ELMO1: variants seen among roughly 807,000 people sequenced by gnomAD.
ELMO1 encodes engulfment and cell motility 1, also known as engulfment and cell motility protein 1.
Under a neutral mutation model 98.9 loss-of-function variants are expected in ELMO1, and 26 were observed. The observed-to-expected ratio is 0.26, with a 90% CI of 0.19 to 0.36. The LOEUF (loss-of-function observed/expected upper bound fraction) is 0.36, where lower values mean the gene tolerates loss of function less well. ELMO1 is among the 10% of genes least tolerant of loss of function. The pLI, the probability that ELMO1 is intolerant of heterozygous loss-of-function variation, is 1.00. For missense variants in ELMO1, 627 were observed against 935.2 expected, an observed-to-expected ratio of 0.67 and a Z score of 4.30; for synonymous variants, 346 against 346.0, an observed-to-expected ratio of 1.00 and a Z score of 0.00.
At chr7:36,999,241 T>C (rs945010508) in intron 16 of ELMO1, among the ~76,000 whole-genome samples, 2 of 152,208 alleles carry the variant, frequency 1.3e-5, no homozygotes, top group Non-Finnish European at 2.9e-5. Flanking sequence ...TGCTGTGTGA[T>C]CTTCGTGTCA....
intron 16 of ELMO1, among the ~76,000 whole-genome samples, chr7:37,009,446 C>T (rs1050324879): frequency 3.9e-5 from 6 of 152,304 alleles, no homozygotes; most frequent in South Asian, 4.1e-4. Context: ...TTCCCAAGCC[C>T]GGAAGAGCAG....
chr7:36,907,126 T>C (rs1465066682), intron 16 of ELMO1, among the ~76,000 whole-genome samples: 6 of 151,978 alleles, frequency 3.9e-5, no homozygotes, highest in South Asian at 2.1e-4. Flanking sequence ...GTCAACTAGA[T>C]TGTATTTCTA....
At chr7:36,911,983 C>T (rs975408187) in intron 16 of ELMO1, among the ~76,000 whole-genome samples, 2 of 152,148 alleles carry the variant, frequency 1.3e-5, no homozygotes, top group African/African-American at 4.8e-5. Context: ...CATGAGCAAA[C>T]ATGAGTGATG....
chr7:36,860,114 A>G (rs1802499830), intron 21 of ELMO1, among the ~76,000 whole-genome samples: 1 of 152,234 alleles, frequency 6.6e-6, no homozygotes, highest in Non-Finnish European at 1.5e-5. Context: ...TACAGTATAA[A>G]ATCCACATAA....
chr7:37,423,840 T>A (rs1261618273), intron 1 of ELMO1, among the ~76,000 whole-genome samples: 1 of 152,158 alleles, frequency 6.6e-6, no homozygotes, highest in Non-Finnish European at 1.5e-5. Flanking sequence ...TTCTCTTTTT[T>A]AAAAAATAAA....
At chr7:36,898,757 C>T (rs73119949) in intron 16 of ELMO1, among the ~76,000 whole-genome samples, 3,573 of 152,326 alleles carry the variant, frequency 0.023, 102 homozygotes, top group East Asian at 0.068. Context: ...TTATCCATTT[C>T]TTCAACAAAT....
chr7:37,233,071 C>A, intron 8 of ELMO1, 24 bp downstream of exon 8: 13 of 1,592,246 alleles, frequency 8.2e-6, no homozygotes, highest in Non-Finnish European at 1.1e-5. Context: ...TAAGGAAAGC[C>A]TAAAGAGGCA....
chr7:37,246,514 T>TG (rs754830271), intron 6 of ELMO1, among the ~76,000 whole-genome samples: 3 of 151,964 alleles, frequency 2.0e-5, no homozygotes, highest in Non-Finnish European at 2.9e-5. Context: ...CAGGACGAAA[T>TG]GGGGGAAAAA....
At chr7:37,109,726 C>G (rs1032275729) in intron 14 of ELMO1, among the ~76,000 whole-genome samples, 16 of 152,196 alleles carry the variant, frequency 1.1e-4, no homozygotes, top group Non-Finnish European at 2.2e-4. Flanking sequence ...GATTCCAAGT[C>G]CCCCATTCCA....
chr7:37,139,507 C>A (rs182890940), intron 13 of ELMO1, among the ~76,000 whole-genome samples: 4 of 152,194 alleles, frequency 2.6e-5, no homozygotes, highest in Admixed American at 6.5e-5. Flanking sequence ...TATACCTAAC[C>A]AGGGAGGTGA....
chr7:37,088,191 T>C (rs1017219215), intron 15 of ELMO1, among the ~76,000 whole-genome samples: 2 of 152,230 alleles, frequency 1.3e-5, no homozygotes, highest in African/African-American at 2.4e-5. Flanking sequence ...AAAAAGTCTA[T>C]GATAAATATT....
chr7:37,051,247 A>T (rs1179765791), intron 15 of ELMO1, among the ~76,000 whole-genome samples: 1 of 152,218 alleles, frequency 6.6e-6, no homozygotes, highest in African/African-American at 2.4e-5. Context: ...TGAGATGATA[A>T]TAAGAGCTTT....
chr7:37,247,162 T>C (rs1795058154), intron 6 of ELMO1, among the ~76,000 whole-genome samples: 1 of 152,192 alleles, frequency 6.6e-6, no homozygotes, highest in Non-Finnish European at 1.5e-5. Flanking sequence ...AATCATAGAA[T>C]TGCAATTTGA....
chr7:37,322,399 T>G (rs1356695241), intron 2 of ELMO1, among the ~76,000 whole-genome samples: 4 of 151,976 alleles, frequency 2.6e-5, no homozygotes, highest in Non-Finnish European at 5.9e-5. Flanking sequence ...ATGGATCACC[T>G]GAGGTCAGGA....
At chr7:36,980,445 G>A (rs1790951349) in intron 16 of ELMO1, among the ~76,000 whole-genome samples, 1 of 152,120 alleles carries the variant, frequency 6.6e-6, no homozygotes, top group Non-Finnish European at 1.5e-5. Flanking sequence ...ACGCATATAT[G>A]ACATAGGAAG....
At position 37,415,999 on chromosome 7, in the gene ELMO1, T is replaced by C. The variant is rs972463071; in HGVS notation, c.-74+32676A>G. Among the ~76,000 whole-genome samples the C allele has an allele frequency of 5.3e-5, 8 of 152,190 alleles. No individual in the cohort carries two copies. The East Asian group carries it at 1.3e-3, about 26-fold the overall frequency. ...ACATATTCCATAATGAAATCTACAG[T>C]CCTAAAAACCAGCATTTCAGATTAT... is the stretch of plus-strand genomic sequence containing the variant. On this transcript the variant is annotated intron_variant, in intron 1 of 21. Coordinates refer to ENST00000310758, the MANE Select transcript of ELMO1 (RefSeq NM_014800.11).
intron 1 of ELMO1, among the ~76,000 whole-genome samples, chr7:37,441,273 A>C (rs914249026): frequency 2.6e-5 from 4 of 152,136 alleles, no homozygotes; most frequent in Non-Finnish European, 4.4e-5. Flanking sequence ...ACGGCACTTA[A>C]GCCACTCGAT....
rs549482881 is a variant in ELMO1, at chr7:37,278,984, G to A, written c.193-7102C>T. 6.6e-5 allele frequency among the ~76,000 whole-genome samples: 10 copies of A among 152,160 alleles called. No individual in the cohort carries two copies. In the South Asian group the frequency reaches 1.9e-3, roughly 28 times the overall value. On this transcript the variant is annotated intron_variant, in intron 4 of 21. Coordinates refer to ENST00000310758, the MANE Select transcript of ELMO1 (RefSeq NM_014800.11). ...TGGGAGGCCCAGGCCGGTGGGTCAC[G>A]AGGTCAGGAGTTCGAGAGCAGCCTG... is the stretch of plus-strand genomic sequence containing the variant.
chr7:37,035,450 CG>C (rs1795124154), intron 15 of ELMO1, among the ~76,000 whole-genome samples: 1 of 152,174 alleles, frequency 6.6e-6, no homozygotes, highest in South Asian at 2.1e-4. Context: ...GAGATTAAAA[CG>C]TATTTCATAA....
Sources: allele counts gnomAD v4.1 joint callset (sites outside exome capture counted in the v4.1 genomes callset), GRCh38; gene constraint gnomAD v4.1.1; transcripts MANE v1.5; gene names NCBI Gene and HGNC (gene_info 2026-07-23, HGNC 2026-07-21).